The following CLDN16 variants were observed in gnomAD, a reference collection of about 807,000 sequenced individuals.
CLDN16 encodes claudin 16.
A neutral mutation model predicts 24.6 loss-of-function variants in CLDN16; 13 were observed. The ratio of observed to expected loss-of-function variants is 0.53; its 90% CI spans 0.34 to 0.84. The LOEUF (loss-of-function observed/expected upper bound fraction) is 0.84, where lower values mean the gene tolerates loss of function less well. Ranked by LOEUF, CLDN16 falls within the 40% of genes least tolerant of loss-of-function variation. The probability of loss-of-function intolerance (pLI) is 0.01; values close to 1 mark genes in which losing one functional copy is unlikely to be tolerated. For missense variants in CLDN16, 298 were observed against 292.7 expected (o/e 1.02, Z -0.13); for synonymous variants, 116 against 106.7 (o/e 1.09, Z -0.54).
chr3:190,320,571 C>T (rs2108615482), upstream of CLDN16, among the ~76,000 whole-genome samples: 1 of 152,270 alleles, frequency 6.6e-6, no homozygotes, highest in Non-Finnish European at 1.5e-5. Flanking sequence ...ACACTCAAAA[C>T]AACCATGCAC....
chr3:190,395,064 A>T (rs1718781998), intron 1 of CLDN16, among the ~76,000 whole-genome samples: 1 of 152,120 alleles, frequency 6.6e-6, no homozygotes, highest in Non-Finnish European at 1.5e-5. Context: ...ATCACTGGGC[A>T]ATAATCATTA....
intron 2 of CLDN16, 146 bp from the exon 3 acceptor site, chr3:190,404,616 C>A (rs1719042757): frequency 1.3e-6 from 1 of 766,710 alleles, no homozygotes; most frequent in Non-Finnish European, 2.3e-6. Flanking sequence ...ATTAGGGGTA[C>A]TTATGTTCAA....
the CLDN16 span, among the ~76,000 whole-genome samples, chr3:190,296,525 G>A: frequency 3.5e-4 from 53 of 151,588 alleles, 1 homozygote; most frequent in African/African-American, 1.1e-3. Context: ...ATGAGGATGG[G>A]AAAGTAGCTA....
chr3:190,359,490 A>C (rs765984406), intron 1 of CLDN16, among the ~76,000 whole-genome samples: 10 of 152,164 alleles, frequency 6.6e-5, no homozygotes, highest in Admixed American at 3.9e-4. Flanking sequence ...AATGAATATA[A>C]TGCTTCATTT....
At chr3:190,390,768 A>G (rs1435612293) in intron 1 of CLDN16, among the ~76,000 whole-genome samples, 1 of 152,128 alleles carries the variant, frequency 6.6e-6, no homozygotes, top group Non-Finnish European at 1.5e-5. Flanking sequence ...TGGTCCATAT[A>G]ACAACTCACT....
At chr3:190,334,839 AC>A (rs1304204366) in intron 1 of CLDN16, among the ~76,000 whole-genome samples, 4 of 152,162 alleles carry the variant, frequency 2.6e-5, no homozygotes, top group African/African-American at 7.2e-5. Context: ...TTTCCTCTTC[AC>A]CAGTGGCTGG....
chr3:190,354,645 T>C (rs950279239), intron 1 of CLDN16, among the ~76,000 whole-genome samples: 1 of 151,968 alleles, frequency 6.6e-6, no homozygotes. Flanking sequence ...TTTGTTTTCA[T>C]TGGTTGTGAG....
chr3:190,310,640 AG>A, the CLDN16 span, among the ~76,000 whole-genome samples: 6 of 152,354 alleles, frequency 3.9e-5, no homozygotes, highest in East Asian at 1.2e-3. Context: ...CAAAAGGGGA[AG>A]ATGAAAACTC....
At chr3:190,342,518 A>ATTT (rs1717461037) in intron 1 of CLDN16, among the ~76,000 whole-genome samples, 2 of 152,250 alleles carry the variant, frequency 1.3e-5, no homozygotes, top group African/African-American at 4.8e-5. Context: ...AAGAGGTGAA[A>ATTT]GACCTGTCCC....
At chr3:190,357,330 G>A (rs1377370746) in intron 1 of CLDN16, among the ~76,000 whole-genome samples, 2 of 151,802 alleles carry the variant, frequency 1.3e-5, no homozygotes, top group South Asian at 2.1e-4. Context: ...CTGAGAACTC[G>A]TAATTTTGGT....
At chr3:190,351,213 G>T (rs1717665859) in intron 1 of CLDN16, among the ~76,000 whole-genome samples, 1 of 151,972 alleles carries the variant, frequency 6.6e-6, no homozygotes, top group Non-Finnish European at 1.5e-5. Flanking sequence ...CAGAAGCACA[G>T]GCTGTCACCA....
chr3:190,297,596 T>A, the CLDN16 span, among the ~76,000 whole-genome samples: 1 of 140,288 alleles, frequency 7.1e-6, no homozygotes, highest in Non-Finnish European at 1.5e-5. Context: ...TATATCTATA[T>A]AATATATATC....
chr3:190,325,875 GA>G (rs1717049676), intron 1 of CLDN16, among the ~76,000 whole-genome samples: 1 of 152,192 alleles, frequency 6.6e-6, no homozygotes, highest in East Asian at 1.9e-4. Context: ...TAGGGCTTGA[GA>G]AAAGGATCAG....
In CLDN16 at chr3:190,388,338, T is replaced by C. The variant is rs1482253091; in HGVS notation, c.9T>C (p.Asp3=). 1.9e-6 allele frequency: 3 copies of C among 1,614,096 alleles called. No individual in the cohort carries two copies. Among genetic ancestry groups the C allele is most frequent in the Non-Finnish European group, 1.7e-6 (2 of 1,180,004 alleles). ...ATGGGCTGCTTGCCACAATGAGGGA[T>C]CTTCTTCAATACATCGCTTGCTTCT... The part of the protein sequence containing the change: MR[D]LLQYIACFFA... The change falls in exon 1 of 5, where the codon GAT becomes GAC. Residue 3 remains aspartate, a synonymous_variant. Transcript: ENST00000264734.
the CLDN16 span, chr3:190,308,098 G>C: frequency 1.5e-6 from 1 of 689,030 alleles, no homozygotes; most frequent in South Asian, 1.8e-5. Flanking sequence ...GATAAAATAA[G>C]ATTAAGCCAT....
chr3:190,301,817 A>G, the CLDN16 span, among the ~76,000 whole-genome samples: 4 of 152,272 alleles, frequency 2.6e-5, no homozygotes, highest in East Asian at 7.7e-4. Flanking sequence ...AACCTTCTAT[A>G]TGAACTCATT....
intron 1 of CLDN16, among the ~76,000 whole-genome samples, chr3:190,334,376 T>C (rs1560080818): frequency 6.6e-6 from 1 of 152,204 alleles, no homozygotes; most frequent in African/African-American, 2.4e-5. Flanking sequence ...CCATGGAATA[T>C]GAAGCTGCAA....
At chr3:190,294,869 T>C in the CLDN16 span, among the ~76,000 whole-genome samples, 1 of 152,204 alleles carries the variant, frequency 6.6e-6, no homozygotes, top group East Asian at 1.9e-4. Flanking sequence ...GTAATAAATA[T>C]GAGGATTAAA....
upstream of CLDN16, among the ~76,000 whole-genome samples, chr3:190,385,193 T>C (rs769474184): frequency 1.3e-5 from 2 of 152,138 alleles, no homozygotes; most frequent in South Asian, 2.1e-4. Flanking sequence ...ATAAAAGAGT[T>C]GATAAACCAA....
Sources: allele counts gnomAD v4.1 joint callset (sites outside exome capture counted in the v4.1 genomes callset), GRCh38; gene constraint gnomAD v4.1.1; transcripts MANE v1.5; gene names NCBI Gene and HGNC (gene_info 2026-07-23, HGNC 2026-07-21).